Variants in POU6F2 observed in about 807,000 individuals in gnomAD.
POU6F2 encodes the protein POU domain, class 6, transcription factor 2.
A neutral mutation model predicts 71.3 loss-of-function variants in POU6F2; 31 were observed. The observed-to-expected ratio is 0.43, with a 90% CI of 0.33 to 0.59. POU6F2 has a LOEUF of 0.59. Ranked by LOEUF, POU6F2 falls within the 20% of genes least tolerant of loss-of-function variation. The pLI is 0.04. For missense variants in POU6F2, 783 were observed against 856.8 expected, an observed-to-expected ratio of 0.91 and a Z score of 1.07; for synonymous variants, 347 against 355.7, an observed-to-expected ratio of 0.98 and a Z score of 0.27.
At chr7:39,403,694 A>G (rs900189145) in intron 5 of POU6F2, among the ~76,000 whole-genome samples, 1 of 152,238 alleles carries the variant, frequency 6.6e-6, no homozygotes, top group Non-Finnish European at 1.5e-5. Flanking sequence ...ACAGAGTGAC[A>G]TGACCCGAGG....
At chr7:38,986,080 T>C (rs1001787190) in intron 1 of POU6F2, among the ~76,000 whole-genome samples, 1 of 152,092 alleles carries the variant, frequency 6.6e-6, no homozygotes, top group Non-Finnish European at 1.5e-5. Flanking sequence ...ACTTTAAACA[T>C]TTTGGGAATA....
chr7:39,254,513 G>A (rs925407126), intron 4 of POU6F2, among the ~76,000 whole-genome samples: 3 of 152,104 alleles, frequency 2.0e-5, no homozygotes, highest in Admixed American at 1.3e-4. Context: ...CAGAGCAATC[G>A]AGTCTCAGGG....
intron 4 of POU6F2, among the ~76,000 whole-genome samples, chr7:39,235,735 CT>C (rs1410669770): frequency 6.6e-6 from 1 of 152,168 alleles, no homozygotes; most frequent in Non-Finnish European, 1.5e-5. Flanking sequence ...GATAATTCAC[CT>C]TTGCAAACTG....
In POU6F2 at chr7:39,027,392, G is replaced by T. The variant is rs571797093; in HGVS notation, c.105+49334G>T. Among the ~76,000 whole-genome samples, 8 of 152,212 alleles carry T rather than the reference G, an allele frequency of 5.3e-5. No homozygotes were observed. The South Asian group carries it at 1.7e-3, about 32-fold the overall frequency. On this transcript the variant is annotated intron_variant, in intron 1 of 9. Coordinates refer to ENST00000518318, the MANE Select transcript of POU6F2 (RefSeq NM_001370959.1). Reference sequence around the variant, plus strand: ...GCGGTGCTTCTATAATGCAAATTAGGTTGTGGCACTGCAGTGCTCAAAACC... The same window carrying T: ...GCGGTGCTTCTATAATGCAAATTAGTTTGTGGCACTGCAGTGCTCAAAACC...
intron 8 of POU6F2, among the ~76,000 whole-genome samples, chr7:39,455,671 A>G (rs1251779728): frequency 6.6e-6 from 1 of 152,228 alleles, no homozygotes; most frequent in African/African-American, 2.4e-5. Flanking sequence ...CAACCCATTT[A>G]GCAGCACCTT....
intron 2 of POU6F2, among the ~76,000 whole-genome samples, chr7:39,182,612 C>T (rs1209076073): frequency 6.6e-6 from 1 of 152,170 alleles, no homozygotes; most frequent in African/African-American, 2.4e-5. Context: ...AATCTGTGTA[C>T]TGTTAACTCT....
intron 1 of POU6F2, among the ~76,000 whole-genome samples, chr7:39,026,046 T>G (rs899662482): frequency 1.3e-5 from 2 of 152,146 alleles, no homozygotes; most frequent in African/African-American, 4.8e-5. Context: ...GAAACCACAA[T>G]GAGATACCAT....
intron 4 of POU6F2, among the ~76,000 whole-genome samples, chr7:39,337,222 C>G (rs1437287444): frequency 6.6e-6 from 1 of 152,202 alleles, no homozygotes; most frequent in Non-Finnish European, 1.5e-5. Flanking sequence ...CCGTAACTCT[C>G]TCTTCTCTCT....
chr7:39,208,156 G>A (rs938591354), intron 4 of POU6F2, among the ~76,000 whole-genome samples: 4 of 152,190 alleles, frequency 2.6e-5, no homozygotes, highest in Non-Finnish European at 5.9e-5. Flanking sequence ...GAGAAAAATA[G>A]ACTTGTATGT....
At chr7:39,220,820 T>A (rs886654015) in intron 4 of POU6F2, among the ~76,000 whole-genome samples, 1 of 152,096 alleles carries the variant, frequency 6.6e-6, no homozygotes, top group African/African-American at 2.4e-5. Flanking sequence ...AAGTGCACAA[T>A]GAATGATGGC....
intron 2 of POU6F2, among the ~76,000 whole-genome samples, chr7:39,201,525 A>G (rs1259822377): frequency 6.6e-6 from 1 of 152,252 alleles, no homozygotes; most frequent in Non-Finnish European, 1.5e-5. Context: ...ATGACAGCAT[A>G]AAGTGATGAA....
At position 39,466,528 on chromosome 7, in the gene POU6F2, T is replaced by C. The variant is rs1789075923; in HGVS notation, c.*1842T>C. ...TGCTAATGTATTATCTAGAAGTAAG[T>C]TGTGAAAGAAAAAAGAGAAACCCAA... On this transcript the variant is annotated 3_prime_UTR_variant, in exon 10 of 10. Transcript: ENST00000518318. The C allele has an allele frequency of 6.6e-6, 1 of 152,230 alleles. No individual in the cohort carries two copies. 9.4% of individuals were successfully genotyped at this position (152,230 alleles called of 1,614,324 possible). A position where few individuals can be genotyped will look rare whatever the true frequency, so the allele number is the denominator to read the frequency against.
chr7:39,430,555 G>T (rs962613540), intron 6 of POU6F2, among the ~76,000 whole-genome samples: 2 of 152,240 alleles, frequency 1.3e-5, no homozygotes, highest in East Asian at 3.8e-4. Context: ...TGACTTGTTT[G>T]CATTTGCCTT....
At chr7:39,054,502 A>G (rs1345986550) in intron 1 of POU6F2, among the ~76,000 whole-genome samples, 1 of 152,166 alleles carries the variant, frequency 6.6e-6, no homozygotes, top group African/African-American at 2.4e-5. Context: ...TGCCTTTAAA[A>G]TAGCCATGTT....
intron 2 of POU6F2, among the ~76,000 whole-genome samples, chr7:39,143,212 C>T (rs1381343287): frequency 6.6e-6 from 1 of 152,180 alleles, no homozygotes; most frequent in Non-Finnish European, 1.5e-5. Flanking sequence ...TCAAGTTTAG[C>T]ATCAAAAGAG....
chr7:39,324,162 T>C (rs1019579436), intron 4 of POU6F2, among the ~76,000 whole-genome samples: 7 of 132,668 alleles, frequency 5.3e-5, no homozygotes, highest in Admixed American at 5.1e-4. Context: ...CAAGACAAAA[T>C]GAGGTTAAAC....
chr7:39,215,547 G>A (rs1169402154), intron 4 of POU6F2, among the ~76,000 whole-genome samples: 2 of 152,074 alleles, frequency 1.3e-5, no homozygotes, highest in Non-Finnish European at 2.9e-5. Context: ...TTCTATTAAG[G>A]CAACATTTAT....
intron 4 of POU6F2, among the ~76,000 whole-genome samples, chr7:39,242,002 A>T (rs1783734342): frequency 6.6e-6 from 1 of 152,134 alleles, no homozygotes; most frequent in Non-Finnish European, 1.5e-5. Flanking sequence ...GCTTTCCCTT[A>T]AAATACATAT....
At chr7:39,006,957 T>C in intron 1 of POU6F2, 1 of 1,332,756 alleles carries the variant, frequency 7.5e-7, no homozygotes, top group Middle Eastern at 1.9e-4. Flanking sequence ...CGGAGGGAAA[T>C]AATTGTCATG....
Sources: gnomAD v4.1 joint callset for allele counts (sites outside exome capture counted in the v4.1 genomes callset) on GRCh38, gnomAD v4.1.1 for gene constraint, MANE v1.5 for transcripts, NCBI Gene and HGNC (gene_info 2026-07-23, HGNC 2026-07-21) for gene names.